TLCD3A: variants seen among roughly 807,000 people sequenced by gnomAD.
The protein encoded by TLCD3A is TLC domain containing 3A.
Under a neutral mutation model 29.9 loss-of-function variants are expected in TLCD3A, and 17 were observed. The observed-to-expected ratio is 0.57, with a 90% CI of 0.39 to 0.85. The LOEUF (loss-of-function observed/expected upper bound fraction) is 0.85, where lower values mean the gene tolerates loss of function less well. Ranked by LOEUF, TLCD3A falls within the 40% of genes least tolerant of loss-of-function variation. The pLI is 0.00. For missense variants in TLCD3A, 332 were observed against 350.8 expected (o/e 0.95, Z 0.43); for synonymous variants, 143 against 147.7 (o/e 0.97, Z 0.23).
intron 3 of TLCD3A, among the ~76,000 whole-genome samples, chr17:738,422 A>G (rs759077149): frequency 1.4e-4 from 21 of 151,268 alleles, no homozygotes; most frequent in Admixed American, 3.3e-4. Context: ...ACCGTTACTT[A>G]GGAGTCGGGA....
chr17:741,850 C>T lies in TLCD3A; in HGVS notation c.*280C>T. 2.2e-6 allele frequency: 1 copy of T among 461,274 alleles called. No individual in the cohort carries two copies. The allele number at this position is 461,274 out of a possible 1,614,324, so 28.6% of individuals were successfully genotyped here. On this transcript the variant is annotated 3_prime_UTR_variant, in exon 5 of 5. Coordinates refer to ENST00000308278, the MANE Select transcript of TLCD3A (RefSeq NM_024792.3). Reference sequence around the variant, plus strand: ...CCTTCTTAAGGTCTTATCTCAAGAGCTCTGGGAGGTGGAAGCATGGGGTGG... The same window carrying T: ...CCTTCTTAAGGTCTTATCTCAAGAGTTCTGGGAGGTGGAAGCATGGGGTGG...
intron 3 of TLCD3A, among the ~76,000 whole-genome samples, chr17:740,054 AAAAAT>A (rs1974224083): frequency 6.6e-6 from 1 of 152,200 alleles, no homozygotes; most frequent in African/African-American, 2.4e-5. Flanking sequence ...CTCAAAAAAT[AAAAAT>A]AAAATAAATA....
At position 740,556 on chromosome 17, in the gene TLCD3A, G is replaced by A; in HGVS notation, c.460G>A (p.Glu154Lys). 1 of 1,614,084 alleles carries A rather than the reference G, an allele frequency of 6.2e-7. No individual in the cohort carries two copies. The highest frequency in any genetic ancestry group is 8.5e-7 in the Non-Finnish European group (1 of 1,179,988). ...CTTTGTCGGCTGCATCTTCACGGCA[G>A]AACTGAGCACTCCGTTTGTGTCGCT... ...DFFVGCIFTA[E>K]LSTPFVSLGR... is the part of the protein sequence containing the mutation. The change falls in exon 4 of 5, where the codon GAA becomes AAA. Residue 154 changes from glutamate to lysine, a missense_variant. Physicochemically the swap from Glu to Lys is moderately conservative, Grantham distance 56. Coordinates refer to ENST00000308278, the MANE Select transcript of TLCD3A (RefSeq NM_024792.3).
intron 2 of TLCD3A, among the ~76,000 whole-genome samples, chr17:733,628 G>A (rs1974111400): frequency 6.6e-6 from 1 of 152,172 alleles, no homozygotes; most frequent in Non-Finnish European, 1.5e-5. Flanking sequence ...TTTGCTAAAG[G>A]TGATTGAGAG....
intron 2 of TLCD3A, among the ~76,000 whole-genome samples, chr17:734,236 C>T (rs1008414795): frequency 6.6e-6 from 1 of 151,132 alleles, no homozygotes; most frequent in African/African-American, 2.4e-5. Flanking sequence ...CCAGGCTGGT[C>T]TTGAACTCCT....
rs929468267 is a variant in TLCD3A, at chr17:742,434, C to T, written c.*864C>T. 6.6e-6 allele frequency: 1 copy of T among 152,214 alleles called. No individual in the cohort carries two copies. Among genetic ancestry groups the T allele is most frequent in the Admixed American group, 6.5e-5 (1 of 15,268 alleles). 9.4% of individuals were successfully genotyped at this position (152,214 alleles called of 1,614,324 possible). A position where few individuals can be genotyped will look rare whatever the true frequency, so the allele number is the denominator to read the frequency against. ...CTTTGGTAGCTGTTTACTGGGTAAC[C>T]CCACTGTGACACTGTCCTTTTCATG... On this transcript the variant is annotated 3_prime_UTR_variant, in exon 5 of 5. Transcript: ENST00000308278.
chr17:734,315 A>G (rs1974121846), intron 2 of TLCD3A, among the ~76,000 whole-genome samples: 2 of 148,278 alleles, frequency 1.3e-5, no homozygotes, highest in South Asian at 4.4e-4. Context: ...CACCACACCC[A>G]GCAAATTTTT....
In TLCD3A at chr17:742,669, C is replaced by A. The variant is rs918336450; in HGVS notation, c.*1099C>A. The A allele has an allele frequency of 6.6e-6, 1 of 152,548 alleles. No homozygotes were observed. The highest frequency in any genetic ancestry group is 2.4e-5 in the African/African-American group (1 of 41,458). The allele number at this position is 152,548 out of a possible 1,614,324, so 9.4% of individuals were successfully genotyped here. On this transcript the variant is annotated 3_prime_UTR_variant, in exon 5 of 5. Coordinates refer to ENST00000308278, the MANE Select transcript of TLCD3A (RefSeq NM_024792.3). ...GTCCCGTGGACCGACACCTGCGCCC[C>A]CTTCTGCAAGCAGGATTTTCTGGTG...
rs551376449 is a variant in TLCD3A at position 732,610 on chromosome 17, C to T, written c.-38C>T. The T allele has an allele frequency of 2.4e-3, 2,860 of 1,205,800 alleles. 59 individuals carry two copies. The African/African-American group carries it at 0.041, about 17-fold the overall frequency. 74.7% of individuals were successfully genotyped at this position (1,205,800 alleles called of 1,614,324 possible). ...CGGGGCGCGCCGAGCCGAACCCAGC[C>T]ACGCGGCGCCAGCGAGGCGGCCGGA... On this transcript the variant is annotated 5_prime_UTR_variant, in exon 1 of 5. Coordinates refer to ENST00000308278, the MANE Select transcript of TLCD3A (RefSeq NM_024792.3).
rs944545716 is a variant in TLCD3A at position 741,820 on chromosome 17, A to G, written c.*250A>G. The G allele has an allele frequency of 1.9e-6, 1 of 538,616 alleles. No individual in the cohort carries two copies. Among genetic ancestry groups the G allele is most frequent in the Non-Finnish European group, 3.3e-6 (1 of 299,958 alleles). The allele number at this position is 538,616 out of a possible 1,614,324, so 33.4% of individuals were successfully genotyped here. The stretch of plus-strand genomic sequence containing the variant: ...GCAAAGTGGTTTTAATGCAAGCCCA[A>G]GGATCCTTCTTAAGGTCTTATCTCA... On this transcript the variant is annotated 3_prime_UTR_variant, in exon 5 of 5. Coordinates refer to ENST00000308278, the MANE Select transcript of TLCD3A (RefSeq NM_024792.3).
In TLCD3A at chr17:738,404, A is replaced by C. The variant is rs1047052500; in HGVS notation, c.408+357A>C. Among the ~76,000 whole-genome samples, 40 of 149,996 alleles carry C rather than the reference A, an allele frequency of 2.7e-4. 1 individual carries two copies. The highest frequency in any genetic ancestry group is 8.6e-4 in the African/African-American group (35 of 40,764). ...AGCCACTGCGCCCGGCCTGAGCTGG[A>C]TGTCTTGACCGTTACTTAGGAGTCG... On this transcript the variant is annotated intron_variant, in intron 3 of 4. Transcript: ENST00000308278.
At position 740,674 on chromosome 17, in the gene TLCD3A, T is replaced by C. The variant is rs1176278565; in HGVS notation, c.504+74T>C. 2.1e-6 allele frequency: 3 copies of C among 1,438,348 alleles called. No individual in the cohort carries two copies. The African/African-American group carries it at 4.3e-5, about 21-fold the overall frequency. The allele number at this position is 1,438,348 out of a possible 1,614,324, so 89.1% of individuals were successfully genotyped here. On this transcript the variant is annotated intron_variant, in intron 4 of 4. Coordinates refer to ENST00000308278, the MANE Select transcript of TLCD3A (RefSeq NM_024792.3). ...TGTATGAATGAAATGACAGAGAGAG[T>C]GAGGGTTCTGATTCAGGCATGTATG...
chr17:736,863 T>C (rs1974162076), intron 2 of TLCD3A, among the ~76,000 whole-genome samples: 1 of 151,822 alleles, frequency 6.6e-6, no homozygotes, highest in South Asian at 2.1e-4. Flanking sequence ...ACAATGTTGA[T>C]AAGGCGAGTA....
Position 738,031 on chromosome 17 carries a change from T to C in TLCD3A, c.392T>C (p.Leu131Pro), listed in dbSNP as rs1974186619. The C allele has an allele frequency of 6.2e-7, 1 of 1,610,784 alleles. No homozygotes were observed. Among genetic ancestry groups the C allele is most frequent in the South Asian group, 1.1e-5 (1 of 90,998 alleles). The change falls in exon 3 of 5, where the codon CTT becomes CCT. Residue 131 changes from leucine to proline, a missense_variant. Coordinates refer to ENST00000308278, the MANE Select transcript of TLCD3A (RefSeq NM_024792.3). Reference protein sequence around the residue: ...ITHHAVILFVLVPVAQRLRGD... With the variant: ...ITHHAVILFVPVPVAQRLRGD... The stretch of plus-strand genomic sequence containing the variant: ...CATCATGCGGTCATTCTCTTTGTCC[T>C]TGTGCCAGTCGCACAGGTATGGCCT...
intron 2 of TLCD3A, among the ~76,000 whole-genome samples, chr17:735,686 C>T (rs575942745): frequency 3.3e-5 from 5 of 151,946 alleles, no homozygotes; most frequent in East Asian, 1.9e-4. Context: ...CTAGCTAGGT[C>T]GGGTGCGGTG....
At chr17:735,461 G>C (rs1597542107) in intron 2 of TLCD3A, among the ~76,000 whole-genome samples, 1 of 152,330 alleles carries the variant, frequency 6.6e-6, no homozygotes, top group South Asian at 2.1e-4. Context: ...TAAATCTTCA[G>C]AGGATTCTAC....
chr17:738,787 A>C (rs1443405945), intron 3 of TLCD3A, among the ~76,000 whole-genome samples: 1 of 151,044 alleles, frequency 6.6e-6, no homozygotes, highest in Non-Finnish European at 1.5e-5. Context: ...GGCTGGTCTC[A>C]AACTCTTGGA....
intron 2 of TLCD3A, among the ~76,000 whole-genome samples, chr17:734,510 C>T (rs998139795): frequency 2.6e-5 from 4 of 151,902 alleles, no homozygotes; most frequent in African/African-American, 9.7e-5. Context: ...ACAGGGGTCT[C>T]CCTGCGTTGC....
intron 3 of TLCD3A, among the ~76,000 whole-genome samples, chr17:739,267 C>A (rs1359474527): frequency 6.6e-6 from 1 of 152,094 alleles, no homozygotes; most frequent in East Asian, 1.9e-4. Context: ...TGGCTCACTG[C>A]AACCTCTGCC....
Sources: gnomAD v4.1 joint callset for allele counts (sites outside exome capture counted in the v4.1 genomes callset) on GRCh38, gnomAD v4.1.1 for gene constraint, MANE v1.5 for transcripts, NCBI Gene and HGNC (gene_info 2026-07-23, HGNC 2026-07-21) for gene names.